The following CTNNA2 variants were observed in gnomAD, a reference collection of about 807,000 sequenced individuals.
CTNNA2 encodes the protein catenin alpha-2.
Under a neutral mutation model 101.0 loss-of-function variants are expected in CTNNA2, and 42 were observed. The observed-to-expected ratio is 0.42, with a 90% CI of 0.32 to 0.54. The LOEUF (loss-of-function observed/expected upper bound fraction) is 0.54. CTNNA2 is among the 20% of genes least tolerant of loss of function. The pLI is 0.14. For missense variants in CTNNA2, 871 were observed against 1,223.1 expected (o/e 0.71, Z 4.29); for synonymous variants, 450 against 456.4 (o/e 0.99, Z 0.18).
chr2:80,404,834 T>C lies in CTNNA2; in HGVS notation c.1137+11543T>C, dbSNP rs181422519. Among the ~76,000 whole-genome samples, 187 of 152,270 alleles carry C rather than the reference T, an allele frequency of 1.2e-3. 1 individual carries two copies. The highest frequency in any genetic ancestry group is 7.2e-4 in the Non-Finnish European group (49 of 68,000). On this transcript the variant is annotated intron_variant, in intron 8 of 18. Coordinates refer to ENST00000402739, the MANE Select transcript of CTNNA2 (RefSeq NM_001282597.3). ...TTGGGTAATTTTACTTGTTAGAAAATTGAGTTAAGATCAGTGATTTTGTAG... is the reference window on the plus strand; with the variant it reads ...TTGGGTAATTTTACTTGTTAGAAAACTGAGTTAAGATCAGTGATTTTGTAG...
chr2:80,593,929 T>A (rs1696727146), intron 15 of CTNNA2, among the ~76,000 whole-genome samples: 1 of 152,214 alleles, frequency 6.6e-6, no homozygotes, highest in Admixed American at 6.5e-5. Context: ...TGAATAATGC[T>A]GCACTGTACA....
At chr2:79,611,733 T>TAA (rs1678289141) in intron 1 of CTNNA2, among the ~76,000 whole-genome samples, 1 of 152,162 alleles carries the variant, frequency 6.6e-6, no homozygotes. Flanking sequence ...CTAGTCTCTT[T>TAA]TTTAGTCATC....
intron 7 of CTNNA2, among the ~76,000 whole-genome samples, chr2:80,010,526 A>G (rs934044640): frequency 2.0e-5 from 3 of 151,340 alleles, no homozygotes; most frequent in African/African-American, 7.3e-5. Flanking sequence ...CTGGTCTTGA[A>G]CTCCTAGGCT....
intron 18 of CTNNA2, among the ~76,000 whole-genome samples, chr2:80,634,218 A>G (rs1394236578): frequency 6.6e-6 from 1 of 152,156 alleles, no homozygotes; most frequent in Non-Finnish European, 1.5e-5. Context: ...AGTATATAAG[A>G]ATATTAAAAT....
chr2:80,116,937 C>A (rs201052147), intron 7 of CTNNA2, among the ~76,000 whole-genome samples: 2 of 65,136 alleles, frequency 3.1e-5, no homozygotes, highest in Non-Finnish European at 5.2e-5. Flanking sequence ...GTGTGTGTGT[C>A]TATGCAAAGG....
At chr2:80,179,253 T>C (rs188799932) in intron 7 of CTNNA2, among the ~76,000 whole-genome samples, 38 of 152,370 alleles carry the variant, frequency 2.5e-4, no homozygotes, top group Admixed American at 5.9e-4. Context: ...ACCACTTGGT[T>C]AAACTTATGA....
At chr2:80,455,707 C>T (rs747521323) in intron 9 of CTNNA2, among the ~76,000 whole-genome samples, 2 of 152,114 alleles carry the variant, frequency 1.3e-5, no homozygotes, top group African/African-American at 2.4e-5. Context: ...GTGTGCTGTC[C>T]GTGCGACCTT....
chr2:79,513,005 G>T (rs146828435), upstream of CTNNA2: 1,856 of 152,286 alleles, frequency 0.012, 21 homozygotes, highest in Non-Finnish European at 0.019. Context: ...GGGGGGAGCG[G>T]CTTCGCTTCC....
intron 4 of CTNNA2, among the ~76,000 whole-genome samples, chr2:79,391,154 T>C (rs1678167739): frequency 6.6e-6 from 1 of 152,114 alleles, no homozygotes; most frequent in African/African-American, 2.4e-5. Flanking sequence ...GCAAGCATTT[T>C]TGGAGTTCTT....
At chr2:80,617,281 T>C (rs150685446) in intron 17 of CTNNA2, among the ~76,000 whole-genome samples, 121 of 135,340 alleles carry the variant, frequency 8.9e-4, no homozygotes, top group African/African-American at 3.3e-3. Flanking sequence ...CCCTAACTTA[T>C]AAAACCAAAT....
intron 7 of CTNNA2, among the ~76,000 whole-genome samples, chr2:80,363,666 G>A (rs568060305): frequency 2.0e-5 from 3 of 152,210 alleles, no homozygotes; most frequent in East Asian, 3.9e-4. Context: ...GCGTGCATAT[G>A]GGTAGCAGGT....
chr2:79,648,881 T>C (rs1231456372), intron 1 of CTNNA2, among the ~76,000 whole-genome samples: 1 of 152,220 alleles, frequency 6.6e-6, no homozygotes, highest in Non-Finnish European at 1.5e-5. Flanking sequence ...CTATGACTTA[T>C]TTTTCCACTT....
intron 7 of CTNNA2, among the ~76,000 whole-genome samples, chr2:80,324,181 G>A (rs533874618): frequency 4.7e-4 from 72 of 152,258 alleles, no homozygotes; most frequent in Non-Finnish European, 8.2e-4. Flanking sequence ...TTCAATTAAA[G>A]CTAAGTGACA....
chr2:79,971,967 A>T (rs1690515788), intron 7 of CTNNA2, among the ~76,000 whole-genome samples: 3 of 152,178 alleles, frequency 2.0e-5, no homozygotes, highest in Admixed American at 1.3e-4. Flanking sequence ...TCCACCACCT[A>T]GTGAGTTGGG....
At chr2:79,265,538 C>T (rs374722581) in intron 2 of CTNNA2, among the ~76,000 whole-genome samples, 1 of 152,156 alleles carries the variant, frequency 6.6e-6, no homozygotes, top group Admixed American at 6.5e-5. Context: ...ATCCCAGGAA[C>T]CTTTCTTTTC....
intron 7 of CTNNA2, among the ~76,000 whole-genome samples, chr2:80,283,673 T>C (rs1674548036): frequency 6.6e-6 from 1 of 152,140 alleles, no homozygotes; most frequent in Non-Finnish European, 1.5e-5. Flanking sequence ...ACAGGTTGGA[T>C]ATGCCTCTGG....
At chr2:80,319,269 A>T (rs1483029748) in intron 7 of CTNNA2, among the ~76,000 whole-genome samples, 3 of 152,176 alleles carry the variant, frequency 2.0e-5, no homozygotes, top group South Asian at 2.1e-4. Flanking sequence ...ACCAATTTGG[A>T]ATATAATTAC....
intron 7 of CTNNA2, among the ~76,000 whole-genome samples, chr2:80,172,187 G>A (rs926967131): frequency 1.3e-5 from 2 of 152,214 alleles, no homozygotes; most frequent in Admixed American, 6.5e-5. Context: ...TGGCTATACC[G>A]TCACATGTGT....
chr2:79,309,225 T>C lies in CTNNA2; in HGVS notation c.-405-3484T>C, dbSNP rs1440799125. 2.0e-5 allele frequency among the ~76,000 whole-genome samples: 3 copies of C among 152,296 alleles called. No homozygotes were observed. In the South Asian group the frequency reaches 6.2e-4, roughly 32 times the overall value. ...TTTTATGTGCATTTTATAATCATAT[T>C]GTGTGATTCCACCTACCCACTCCCT... is the stretch of plus-strand genomic sequence containing the variant. On this transcript the variant is annotated intron_variant, in intron 2 of 21. Coordinates refer to the CTNNA2 transcript ENST00000466387.
Sources: allele counts gnomAD v4.1 joint callset (sites outside exome capture counted in the v4.1 genomes callset), GRCh38; gene constraint gnomAD v4.1.1; transcripts MANE v1.5; gene names NCBI Gene and HGNC (gene_info 2026-07-23, HGNC 2026-07-21).